The following MOCOS variants were observed in gnomAD, a reference collection of about 807,000 sequenced individuals.
MOCOS encodes molybdenum cofactor sulfurase.
Under a neutral mutation model 83.6 loss-of-function variants are expected in MOCOS, and 86 were observed. The ratio of observed to expected loss-of-function variants is 1.03; its 90% CI spans 0.86 to 1.23. MOCOS has a LOEUF of 1.23. Ranked by LOEUF, MOCOS falls within the 50% of genes most tolerant of loss-of-function variation. MOCOS has a pLI of 0.00. For synonymous variants in MOCOS, 445 were observed against 434.7 expected (o/e 1.02, Z -0.29); for missense variants, 1,120 against 1,126.9 (o/e 0.99, Z 0.09).
intron 11 of MOCOS, among the ~76,000 whole-genome samples, chr18:36,254,616 C>CAT (rs1327208779): frequency 2.7e-5 from 4 of 149,906 alleles, no homozygotes; most frequent in African/African-American, 7.4e-5. Context: ...TACACACACA[C>CAT]ATATATATAT....
intron 9 of MOCOS, among the ~76,000 whole-genome samples, chr18:36,244,153 T>C (rs868420264): frequency 5.3e-5 from 8 of 152,234 alleles, no homozygotes; most frequent in Middle Eastern, 6.8e-3. Flanking sequence ...TTTCTTTTTT[T>C]TTCTGTTTGG....
At chr18:36,222,746 C>G (rs944173961) in intron 9 of MOCOS, among the ~76,000 whole-genome samples, 1 of 151,612 alleles carries the variant, frequency 6.6e-6, no homozygotes, top group East Asian at 1.9e-4. Flanking sequence ...GGACTACAGG[C>G]GCCCGCCACT....
intron 1 of MOCOS, among the ~76,000 whole-genome samples, chr18:36,193,627 T>C (rs991351159): frequency 2.0e-5 from 3 of 152,166 alleles, no homozygotes; most frequent in Non-Finnish European, 2.9e-5. Context: ...GCTAAAAGTA[T>C]AATATTCTTA....
chr18:36,263,563 C>T (rs1473812897), intron 13 of MOCOS, among the ~76,000 whole-genome samples: 2 of 152,182 alleles, frequency 1.3e-5, no homozygotes, highest in Admixed American at 6.5e-5. Flanking sequence ...TACACAGGTG[C>T]ACATACACAG....
intron 11 of MOCOS, among the ~76,000 whole-genome samples, chr18:36,254,499 T>TGTGTGG (rs1491532443): frequency 1.7e-5 from 1 of 60,182 alleles, no homozygotes; most frequent in African/African-American, 7.1e-5. Flanking sequence ...TGTGTGTGTG[T>TGTGTGG]ATAGAGAGAG....
chr18:36,192,071 C>G (rs1272406530), intron 1 of MOCOS, among the ~76,000 whole-genome samples: 1 of 152,210 alleles, frequency 6.6e-6, no homozygotes, highest in Non-Finnish European at 1.5e-5. Flanking sequence ...AGTGCCTGTT[C>G]TCACCATTTC....
intron 13 of MOCOS, among the ~76,000 whole-genome samples, chr18:36,262,133 T>C (rs2091665491): frequency 6.6e-6 from 1 of 152,156 alleles, no homozygotes; most frequent in Admixed American, 6.5e-5. Context: ...GCATGCCCTT[T>C]GACTCAATAA....
chr18:36,248,576 C>G (rs1274258423), intron 9 of MOCOS, among the ~76,000 whole-genome samples: 1 of 152,180 alleles, frequency 6.6e-6, no homozygotes, highest in Non-Finnish European at 1.5e-5. Context: ...AATTTGGGGT[C>G]TTAGATTTAA....
At chr18:36,195,190 C>G in intron 1 of MOCOS, 67 bp from the exon 2 acceptor site, 1 of 1,322,090 alleles carries the variant, frequency 7.6e-7, no homozygotes, top group Non-Finnish European at 1.1e-6. Context: ...CATTAGATGA[C>G]ATTGGTTGGG....
At position 36,195,260 on chromosome 18, in the gene MOCOS, C is replaced by A; in HGVS notation, c.146C>A (p.Thr49Asn). ...RAREFSRLAG[T>N]VYLDHAGATL... ...TTTATTTTGTGTTTTCTTTCAGGAA[C>A]TGTCTATCTTGACCATGCAGGTGCC... Residue 49 changes from threonine to asparagine, a missense_variant, in exon 2 of 15, where the codon ACT (threonine) becomes AAT (asparagine). By Grantham distance (65) the Thr-to-Asn change is moderately conservative (BLOSUM62 0). Transcript: ENST00000261326. 6.2e-7 allele frequency: 1 copy of A among 1,613,852 alleles called. No homozygotes were observed. The highest frequency in any genetic ancestry group is 8.5e-7 in the Non-Finnish European group (1 of 1,179,712).
chr18:36,218,281 G>A (rs62103122), intron 8 of MOCOS, among the ~76,000 whole-genome samples: 8 of 151,548 alleles, frequency 5.3e-5, no homozygotes, highest in Non-Finnish European at 4.4e-5. Flanking sequence ...CCTAACTGGT[G>A]GTTTTAATTT....
chr18:36,214,949 T>C (rs919525240), intron 7 of MOCOS, among the ~76,000 whole-genome samples: 7 of 152,190 alleles, frequency 4.6e-5, no homozygotes, highest in African/African-American at 1.7e-4. Flanking sequence ...GAGACTGAGA[T>C]TCTCCTGCCT....
In MOCOS at chr18:36,269,646, G is replaced by T. The variant is rs1433576992; in HGVS notation, c.*961G>T. The T allele has an allele frequency of 6.6e-6, 1 of 152,270 alleles. No individual in the cohort carries two copies. The highest frequency in any genetic ancestry group is 1.5e-5 in the Non-Finnish European group (1 of 68,102). The allele number at this position is 152,270 out of a possible 1,614,324, so 9.4% of individuals were successfully genotyped here. A position where few individuals can be genotyped will look rare whatever the true frequency, so the allele number is the denominator to read the frequency against. Reference sequence around the variant, plus strand: ...GCTTCTGCATGACTTCCAGCCTGGGGTCTTACCCTGTCCTCTGGAGCAATG... The same window carrying T: ...GCTTCTGCATGACTTCCAGCCTGGGTTCTTACCCTGTCCTCTGGAGCAATG... On this transcript the variant is annotated 3_prime_UTR_variant, in exon 15 of 15. Transcript: ENST00000261326.
At chr18:36,232,186 G>C (rs911154681) in intron 9 of MOCOS, among the ~76,000 whole-genome samples, 2 of 152,118 alleles carry the variant, frequency 1.3e-5, no homozygotes, top group African/African-American at 4.8e-5. Context: ...TGTTGCCCAG[G>C]CTGGTCTGAA....
At chr18:36,260,880 C>T (rs1188035150) in intron 13 of MOCOS, among the ~76,000 whole-genome samples, 1 of 151,810 alleles carries the variant, frequency 6.6e-6, no homozygotes, top group Non-Finnish European at 1.5e-5. Context: ...AGCCACCCTT[C>T]CTGCCTTAGC....
chr18:36,256,724 C>G, intron 11 of MOCOS: 2 of 429,848 alleles, frequency 4.7e-6, no homozygotes, highest in Non-Finnish European at 8.7e-6. Context: ...TGCTGAGCCA[C>G]TGTGCCCAGC....
rs138799966 is a variant in MOCOS, at chr18:36,220,803, C to T, written c.1960+586C>T. On this transcript the variant is annotated intron_variant, in intron 9 of 14. Coordinates refer to ENST00000261326, the MANE Select transcript of MOCOS (RefSeq NM_017947.4). ...GGGCATGGTGGCACGTGCCTGTGATCCCAGCTACTTGGGTACTTGGGAGGC... is the reference window on the plus strand; with the variant it reads ...GGGCATGGTGGCACGTGCCTGTGATTCCAGCTACTTGGGTACTTGGGAGGC... Among the ~76,000 whole-genome samples, 66 of 152,218 alleles carry T rather than the reference C, an allele frequency of 4.3e-4. 1 individual carries two copies. The highest frequency in any genetic ancestry group is 1.2e-3 in the African/African-American group (50 of 41,544).
intron 1 of MOCOS, among the ~76,000 whole-genome samples, chr18:36,194,328 ATATT>A (rs1396542610): frequency 2.0e-5 from 3 of 152,240 alleles, no homozygotes; most frequent in Non-Finnish European, 4.4e-5. Context: ...ACAAAACAAA[ATATT>A]TGATAAGTGA....
chr18:36,266,229 G>A (rs150897807), intron 13 of MOCOS, among the ~76,000 whole-genome samples: 88 of 152,148 alleles, frequency 5.8e-4, no homozygotes, highest in East Asian at 2.9e-3. Context: ...TCCGCCTCCC[G>A]GGTTCAAGTG....
Sources: gnomAD v4.1 joint callset for allele counts (sites outside exome capture counted in the v4.1 genomes callset) on GRCh38, gnomAD v4.1.1 for gene constraint, MANE v1.5 for transcripts, NCBI Gene and HGNC (gene_info 2026-07-23, HGNC 2026-07-21) for gene names.